The following CTNNA2 variants were observed in gnomAD, a reference collection of about 807,000 sequenced individuals.
CTNNA2 encodes the protein catenin alpha-2.
A neutral mutation model predicts 101.0 loss-of-function variants in CTNNA2; 42 were observed. That is an observed-to-expected ratio of 0.42 (90% CI 0.32 to 0.54). CTNNA2 has a LOEUF of 0.54. CTNNA2 is among the 20% of genes least tolerant of loss of function. The probability of loss-of-function intolerance (pLI) is 0.14; values close to 1 mark genes in which losing one functional copy is unlikely to be tolerated. For synonymous variants in CTNNA2, 450 were observed against 456.4 expected (o/e 0.99, Z 0.18); for missense variants, 871 against 1,223.1 (o/e 0.71, Z 4.29).
chr2:79,216,184 C>T lies in CTNNA2; in HGVS notation c.-406+18108C>T, dbSNP rs142113350. On this transcript the variant is annotated intron_variant, in intron 2 of 21. Coordinates refer to the CTNNA2 transcript ENST00000466387. The stretch of plus-strand genomic sequence containing the variant: ...CTGTCAAGTTTGTATTGGGGTCAAG[C>T]GGCATTGTAGAAGAAAATAAGGCAT... 5.6e-3 allele frequency among the ~76,000 whole-genome samples: 855 copies of T among 152,072 alleles called. 4 individuals carry two copies. Among genetic ancestry groups the T allele is most frequent in the African/African-American group, 0.019 (806 of 41,456 alleles).
intron 7 of CTNNA2, among the ~76,000 whole-genome samples, chr2:80,318,030 C>T (rs1188610158): frequency 6.6e-6 from 1 of 152,124 alleles, no homozygotes; most frequent in South Asian, 2.1e-4. Flanking sequence ...ATTCTCACTC[C>T]AGACTACCCC....
At chr2:79,604,711 A>G (rs1294040433) in intron 1 of CTNNA2, among the ~76,000 whole-genome samples, 1 of 152,206 alleles carries the variant, frequency 6.6e-6, no homozygotes, top group Non-Finnish European at 1.5e-5. Flanking sequence ...TTTGGGTCTA[A>G]CAAATGTTTA....
chr2:80,500,749 C>T (rs1356492510), intron 9 of CTNNA2, among the ~76,000 whole-genome samples: 1 of 152,208 alleles, frequency 6.6e-6, no homozygotes, highest in East Asian at 1.9e-4. Flanking sequence ...GGTAGAGGTG[C>T]ACAGAAAATT....
At chr2:80,346,984 T>G (rs1672794538) in intron 7 of CTNNA2, among the ~76,000 whole-genome samples, 1 of 152,212 alleles carries the variant, frequency 6.6e-6, no homozygotes, top group South Asian at 2.1e-4. Context: ...ATGCTTCCGC[T>G]AGAAAGGTTT....
intron 2 of CTNNA2, among the ~76,000 whole-genome samples, chr2:79,300,109 A>G (rs1441780440): frequency 1.3e-5 from 2 of 152,190 alleles, no homozygotes; most frequent in East Asian, 1.9e-4. Flanking sequence ...CCAATATCAT[A>G]CAGATTCATA....
rs191671052 is a variant in CTNNA2 at position 79,863,458 on chromosome 2, G to T, written c.465+5279G>T. 9.9e-5 allele frequency among the ~76,000 whole-genome samples: 15 copies of T among 152,238 alleles called. 1 individual carries two copies. The highest frequency in any genetic ancestry group is 9.8e-4 in the Admixed American group (15 of 15,292). ...TCGCTGGGCCTAGATTCAATAAGTCGGAGTCTCAAGTCCAAGCTGGGGGCT... is the reference window on the plus strand; with the variant it reads ...TCGCTGGGCCTAGATTCAATAAGTCTGAGTCTCAAGTCCAAGCTGGGGGCT... On this transcript the variant is annotated intron_variant, in intron 4 of 18. Coordinates refer to ENST00000402739, the MANE Select transcript of CTNNA2 (RefSeq NM_001282597.3).
chr2:79,909,894 C>T, intron 7 of CTNNA2, 97 bp downstream of exon 7: 2 of 1,247,492 alleles, frequency 1.6e-6, no homozygotes, highest in Non-Finnish European at 2.2e-6. Context: ...AGAGAACAGA[C>T]CAGGTGTTTA....
At chr2:79,332,704 C>G (rs755136563) in intron 3 of CTNNA2, among the ~76,000 whole-genome samples, 1 of 152,100 alleles carries the variant, frequency 6.6e-6, no homozygotes, top group Non-Finnish European at 1.5e-5. Context: ...TGCCCTTGAT[C>G]AGGGATTGGC....
intron 7 of CTNNA2, among the ~76,000 whole-genome samples, chr2:80,068,952 A>G (rs1002289130): frequency 1.3e-5 from 2 of 152,250 alleles, no homozygotes; most frequent in African/African-American, 4.8e-5. Context: ...TGCATTAGTC[A>G]GGATTCTCCA....
intron 4 of CTNNA2, among the ~76,000 whole-genome samples, chr2:79,458,602 A>G (rs1481520209): frequency 6.6e-6 from 1 of 152,154 alleles, no homozygotes; most frequent in East Asian, 1.9e-4. Flanking sequence ...AAAGGCCATT[A>G]TTTTCTCTGT....
At chr2:79,243,503 T>C (rs1674661147) in intron 2 of CTNNA2, among the ~76,000 whole-genome samples, 3 of 152,224 alleles carry the variant, frequency 2.0e-5, no homozygotes, top group Admixed American at 6.5e-5. Context: ...GCTCCTTATT[T>C]ATTCATTTTT....
At chr2:80,578,084 C>T (rs1695217067) in intron 13 of CTNNA2, among the ~76,000 whole-genome samples, 1 of 152,174 alleles carries the variant, frequency 6.6e-6, no homozygotes, top group Non-Finnish European at 1.5e-5. Flanking sequence ...TGTTTTGCAA[C>T]TGACATGTGG....
chr2:80,457,368 G>A (rs183517080), intron 9 of CTNNA2, among the ~76,000 whole-genome samples: 20 of 151,926 alleles, frequency 1.3e-4, no homozygotes, highest in East Asian at 3.9e-4. Flanking sequence ...CCGACTGATC[G>A]TTATACATTA....
At chr2:80,191,564 C>T (rs1312325582) in intron 7 of CTNNA2, among the ~76,000 whole-genome samples, 1 of 152,146 alleles carries the variant, frequency 6.6e-6, no homozygotes, top group Non-Finnish European at 1.5e-5. Context: ...TGGTTTCCAA[C>T]TGGAAATCAA....
At chr2:80,241,209 T>G (rs372640616) in intron 7 of CTNNA2, among the ~76,000 whole-genome samples, 1 of 149,724 alleles carries the variant, frequency 6.7e-6, no homozygotes, top group African/African-American at 2.5e-5. Flanking sequence ...ATGTGATTGA[T>G]TTTATGGAGT....
chr2:80,107,670 C>A (rs1226506945), intron 7 of CTNNA2, among the ~76,000 whole-genome samples: 1 of 152,240 alleles, frequency 6.6e-6, no homozygotes, highest in African/African-American at 2.4e-5. Flanking sequence ...TGGCACTTTG[C>A]CCTTGCTGGC....
chr2:80,529,235 C>T (rs1573149521), intron 9 of CTNNA2, among the ~76,000 whole-genome samples: 1 of 152,152 alleles, frequency 6.6e-6, no homozygotes, highest in Non-Finnish European at 1.5e-5. Flanking sequence ...ACAGATTTTT[C>T]TGTATGTAGG....
intron 1 of CTNNA2, chr2:79,523,438 GT>G: frequency 1.1e-5 from 2 of 187,542 alleles, no homozygotes; most frequent in Admixed American, 6.1e-5. Context: ...ATACACCATT[GT>G]TTTTTTTAAC....
intron 7 of CTNNA2, among the ~76,000 whole-genome samples, chr2:80,147,513 C>A (rs1181947028): frequency 2.0e-5 from 3 of 152,164 alleles, no homozygotes; most frequent in Non-Finnish European, 4.4e-5. Context: ...AAAACACTCA[C>A]CACCCACGAT....
Sources: gnomAD v4.1 joint callset for allele counts (sites outside exome capture counted in the v4.1 genomes callset) on GRCh38, gnomAD v4.1.1 for gene constraint, MANE v1.5 for transcripts, NCBI Gene and HGNC (gene_info 2026-07-23, HGNC 2026-07-21) for gene names.